TRIP4: variants seen among roughly 807,000 people sequenced by gnomAD.
TRIP4 encodes thyroid hormone receptor interactor 4.
A neutral mutation model predicts 81.8 loss-of-function variants in TRIP4; 54 were observed. The ratio of observed to expected loss-of-function variants is 0.66; its 90% CI spans 0.53 to 0.83. The LOEUF (loss-of-function observed/expected upper bound fraction) is 0.83, where lower values mean the gene tolerates loss of function less well. Among genes scored for constraint, TRIP4 ranks in the 40% least tolerant of loss-of-function variants. TRIP4 has a pLI of 0.00. For missense variants in TRIP4, 662 were observed against 683.6 expected, an observed-to-expected ratio of 0.97 and a Z score of 0.35; for synonymous variants, 270 against 242.8, an observed-to-expected ratio of 1.11 and a Z score of -1.04.
intron 3 of TRIP4, 129 bp downstream of exon 3, chr15:64,395,660 A>G: frequency 9.3e-7 from 1 of 1,079,828 alleles, no homozygotes; most frequent in Non-Finnish European, 1.3e-6. Flanking sequence ...AATTTTAGGT[A>G]GAAAAAGTTA....
intron 5 of TRIP4, among the ~76,000 whole-genome samples, chr15:64,402,349 A>G (rs914495777): frequency 1.3e-5 from 2 of 150,272 alleles, no homozygotes; most frequent in African/African-American, 4.9e-5. Context: ...CAGCCTCCCC[A>G]GTAGGTGGGA....
chr15:64,414,703 G>A (rs905505564), intron 8 of TRIP4, among the ~76,000 whole-genome samples: 2 of 151,546 alleles, frequency 1.3e-5, no homozygotes, highest in African/African-American at 4.8e-5. Context: ...TTTTTTAATA[G>A]AGACAGGGTT....
At chr15:64,414,955 A>G (rs1242069747) in intron 8 of TRIP4, among the ~76,000 whole-genome samples, 2 of 151,822 alleles carry the variant, frequency 1.3e-5, no homozygotes, top group Non-Finnish European at 2.9e-5. Flanking sequence ...TTAGCTGGCC[A>G]TGGTGGCGTG....
chr15:64,395,355 T>C (rs374461016), intron 2 of TRIP4, 43 bp from the exon 3 acceptor site: 2 of 1,539,088 alleles, frequency 1.3e-6, no homozygotes, highest in Non-Finnish European at 1.8e-6. Context: ...AATCCTCTTA[T>C]CAATCTGTGT....
At chr15:64,447,255 C>T (rs1383269221) in intron 12 of TRIP4, among the ~76,000 whole-genome samples, 1 of 152,218 alleles carries the variant, frequency 6.6e-6, no homozygotes, top group East Asian at 1.9e-4. Flanking sequence ...TCATTGCTTT[C>T]CCATTGTGTG....
intron 7 of TRIP4, among the ~76,000 whole-genome samples, chr15:64,411,059 T>TG (rs995815458): frequency 6.6e-6 from 1 of 152,000 alleles, no homozygotes; most frequent in African/African-American, 2.4e-5. Context: ...TATAGGAAAA[T>TG]GGGGATATTC....
chr15:64,394,865 A>G (rs1006378717), intron 2 of TRIP4, among the ~76,000 whole-genome samples: 1 of 152,152 alleles, frequency 6.6e-6, no homozygotes, highest in African/African-American at 2.4e-5. Context: ...TTGTTTTGAG[A>G]CATGGTCTCA....
At chr15:64,431,849 T>TATATATATATATA (rs1566981702) in intron 11 of TRIP4, among the ~76,000 whole-genome samples, 3 of 81,438 alleles carry the variant, frequency 3.7e-5, no homozygotes, top group African/African-American at 1.2e-4. Context: ...ATATATATAT[T>TATATATATATATA]TTTTTTATCC....
rs780405425 is a variant in TRIP4 at position 64,444,988 on chromosome 15, T to C, written c.1576-18T>C. On this transcript the variant is annotated intron_variant, in intron 11 of 12. Coordinates refer to ENST00000261884, the MANE Select transcript of TRIP4 (RefSeq NM_016213.5). ...CTTGTCCCAACTATCCTGAACTTTT[T>C]ATTTTTATATTTCACAGTTTCCAGA... 4 of 1,392,588 alleles carry C rather than the reference T, an allele frequency of 2.9e-6. No homozygotes were observed. Among genetic ancestry groups the C allele is most frequent in the South Asian group, 1.2e-5 (1 of 81,376 alleles). 86.3% of individuals were successfully genotyped at this position (1,392,588 alleles called of 1,614,324 possible).
intron 6 of TRIP4, among the ~76,000 whole-genome samples, chr15:64,406,862 A>G (rs1181134727): frequency 6.6e-6 from 1 of 152,204 alleles, no homozygotes; most frequent in Non-Finnish European, 1.5e-5. Flanking sequence ...GTTATGCCCT[A>G]TCATAGGAGG....
At chr15:64,403,141 C>T (rs573003716) in intron 5 of TRIP4, among the ~76,000 whole-genome samples, 3 of 150,512 alleles carry the variant, frequency 2.0e-5, no homozygotes, top group South Asian at 2.1e-4. Context: ...GGATTACAGG[C>T]GCGAGCCACC....
At chr15:64,423,881 T>C in intron 9 of TRIP4, 150 bp from the exon 10 acceptor site, 5 of 863,852 alleles carry the variant, frequency 5.8e-6, no homozygotes, top group Middle Eastern at 3.7e-4. Context: ...GAGAAAAGTG[T>C]TTTTGACAAA....
chr15:64,418,417 T>C (rs1201331432), intron 8 of TRIP4, 124 bp from the exon 9 acceptor site: 1 of 1,099,686 alleles, frequency 9.1e-7, no homozygotes, highest in South Asian at 1.7e-5. Flanking sequence ...CGGCCTGGGA[T>C]ATATTTTTCT....
intron 12 of TRIP4, among the ~76,000 whole-genome samples, chr15:64,447,057 T>C (rs182303831): frequency 3.1e-4 from 47 of 152,114 alleles, no homozygotes; most frequent in African/African-American, 1.1e-3. Flanking sequence ...TGAGTCGAGA[T>C]TGCACCACTG....
chr15:64,415,819 A>AT (rs1200917184), intron 8 of TRIP4, among the ~76,000 whole-genome samples: 10 of 152,178 alleles, frequency 6.6e-5, no homozygotes, highest in African/African-American at 2.4e-4. Context: ...ATCATGAAAG[A>AT]TTTTTTGTCT....
chr15:64,432,189 A>G (rs1053430668), intron 11 of TRIP4, among the ~76,000 whole-genome samples: 5 of 151,574 alleles, frequency 3.3e-5, no homozygotes, highest in Admixed American at 6.6e-5. Context: ...CTGGCTGAGC[A>G]TTATGTTTTC....
intron 11 of TRIP4, among the ~76,000 whole-genome samples, chr15:64,443,057 T>C (rs1208615109): frequency 6.6e-6 from 1 of 151,390 alleles, no homozygotes; most frequent in Non-Finnish European, 1.5e-5. Context: ...AAGTCAACAG[T>C]GACCTTTACA....
intron 9 of TRIP4, among the ~76,000 whole-genome samples, chr15:64,422,616 G>T (rs1224476316): frequency 6.6e-6 from 1 of 152,176 alleles, no homozygotes; most frequent in Non-Finnish European, 1.5e-5. Flanking sequence ...TGCAATTTAG[G>T]TGTCTTGCTT....
intron 1 of TRIP4, among the ~76,000 whole-genome samples, chr15:64,391,664 GTTGT>G (rs1900133843): frequency 6.6e-6 from 1 of 151,580 alleles, no homozygotes; most frequent in African/African-American, 2.4e-5. Context: ...CTCTTCCCTG[GTTGT>G]TTGAAAAATA....
Sources: allele counts gnomAD v4.1 joint callset (sites outside exome capture counted in the v4.1 genomes callset), GRCh38; gene constraint gnomAD v4.1.1; transcripts MANE v1.5; gene names NCBI Gene and HGNC (gene_info 2026-07-23, HGNC 2026-07-21).